FANCI: variants seen among roughly 807,000 people sequenced by gnomAD.
The protein encoded by FANCI is Fanconi anemia group I protein.
A neutral mutation model predicts 176.1 loss-of-function variants in FANCI; 156 were observed. That is an observed-to-expected ratio of 0.89 (90% CI 0.78 to 1.01). The LOEUF (loss-of-function observed/expected upper bound fraction) is 1.01. Among genes scored for constraint, FANCI ranks in the 50% least tolerant of loss-of-function variants. FANCI has a pLI of 0.00. For missense variants in FANCI, 1,678 were observed against 1,534.1 expected, an observed-to-expected ratio of 1.09 and a Z score of -1.57; for synonymous variants, 613 against 541.7, an observed-to-expected ratio of 1.13 and a Z score of -1.83.
Position 89,249,545 on chromosome 15 carries a change from G to A in FANCI, c.84+1814G>A, listed in dbSNP as rs555092227. On this transcript the variant is annotated intron_variant, in intron 2 of 37. Transcript: ENST00000310775. Reference sequence around the variant, plus strand: ...GTATTTTTAGCAGAGATGGGGTTTCGCCATGCTTTCCAGGCTGGTCTTGAA... The same window carrying A: ...GTATTTTTAGCAGAGATGGGGTTTCACCATGCTTTCCAGGCTGGTCTTGAA... 1.7e-3 allele frequency among the ~76,000 whole-genome samples: 264 copies of A among 152,102 alleles called. 2 individuals carry two copies. Among genetic ancestry groups the A allele is most frequent in the Non-Finnish European group, 2.5e-3 (168 of 67,986 alleles).
chr15:89,294,806 G>C, intron 23 of FANCI, 109 bp from the exon 24 acceptor site: 1 of 1,168,552 alleles, frequency 8.6e-7, no homozygotes. Flanking sequence ...TTACTGGCAA[G>C]CTCTGTTGGG....
At chr15:89,307,380 A>G in intron 32 of FANCI, 96 bp from the exon 33 acceptor site, 2 of 1,230,456 alleles carry the variant, frequency 1.6e-6, no homozygotes, top group Non-Finnish European at 2.3e-6. Context: ...TTTCCTCTTC[A>G]GTCAGAATGA....
chr15:89,308,186 ATT>A, intron 34 of FANCI: 1 of 1,033,024 alleles, frequency 9.7e-7, no homozygotes, highest in Non-Finnish European at 1.2e-6. Flanking sequence ...CCTCACCACT[ATT>A]GACATGTTGC....
intron 26 of FANCI, 49 bp from the exon 27 acceptor site, chr15:89,301,277 A>G: frequency 8.2e-7 from 1 of 1,218,692 alleles, no homozygotes; most frequent in Non-Finnish European, 1.2e-6. Context: ...TCTTCCTGAT[A>G]GGAACGTGTC....
At chr15:89,299,668 G>C (rs1294927732) in intron 24 of FANCI, 132 bp from the exon 25 acceptor site, 1 of 811,484 alleles carries the variant, frequency 1.2e-6, no homozygotes, top group Non-Finnish European at 2.0e-6. Context: ...CTTGATTGTG[G>C]GGAGATTACA....
intron 10 of FANCI, among the ~76,000 whole-genome samples, chr15:89,269,350 A>G (rs1336730723): frequency 6.6e-6 from 1 of 152,138 alleles, no homozygotes; most frequent in Non-Finnish European, 1.5e-5. Context: ...TATTTAATTT[A>G]TATTCCCTAT....
intron 24 of FANCI, among the ~76,000 whole-genome samples, chr15:89,295,838 A>G (rs764052005): frequency 2.0e-5 from 3 of 148,690 alleles, no homozygotes; most frequent in African/African-American, 2.5e-5. Context: ...CCGTGGTGCA[A>G]TCTCGGCTCA....
intron 9 of FANCI, among the ~76,000 whole-genome samples, chr15:89,266,578 C>A (rs1345976597): frequency 1.3e-5 from 2 of 151,956 alleles, no homozygotes; most frequent in African/African-American, 4.8e-5. Flanking sequence ...ATCCGCCTAC[C>A]TTGGCCTCCC....
At chr15:89,276,210 C>T (rs920890172) in intron 12 of FANCI, among the ~76,000 whole-genome samples, 7 of 152,174 alleles carry the variant, frequency 4.6e-5, no homozygotes, top group African/African-American at 1.7e-4. Context: ...TTAGCTTATG[C>T]TGTTGATACC....
intron 34 of FANCI, among the ~76,000 whole-genome samples, chr15:89,308,778 CTACAAAAAA>C (rs748796741): frequency 6.6e-5 from 10 of 151,996 alleles, no homozygotes; most frequent in Non-Finnish European, 1.5e-4. Context: ...AACCCCATCT[CTACAAAAAA>C]TACAAAAAAT....
intron 35 of FANCI, among the ~76,000 whole-genome samples, chr15:89,313,261 GAAA>G (rs35546665): frequency 2.6e-5 from 4 of 151,542 alleles, no homozygotes; most frequent in Non-Finnish European, 4.4e-5. Flanking sequence ...TGCAAATACT[GAAA>G]AAAAAGTACA....
In FANCI at chr15:89,307,182, G is replaced by T. The variant is rs193134740; in HGVS notation, c.3538-294G>T. The stretch of plus-strand genomic sequence containing the variant: ...ATACTGAGAGCCTCTTCTCTTTATT[G>T]GCATCTTTAAAAGGAAAAACAGCAA... On this transcript the variant is annotated intron_variant, in intron 32 of 37. Transcript: ENST00000310775. Among the ~76,000 whole-genome samples, 315 of 152,248 alleles carry T rather than the reference G, an allele frequency of 2.1e-3. 2 individuals carry two copies. The highest frequency in any genetic ancestry group is 7.2e-3 in the African/African-American group (301 of 41,540).
At chr15:89,250,141 T>G (rs990763802) in intron 2 of FANCI, among the ~76,000 whole-genome samples, 2 of 152,206 alleles carry the variant, frequency 1.3e-5, no homozygotes, top group Non-Finnish European at 2.9e-5. Context: ...TGTGGCGATT[T>G]CTCAGGGATC....
At chr15:89,265,061 C>G (rs1292503865) in intron 9 of FANCI, among the ~76,000 whole-genome samples, 3 of 152,192 alleles carry the variant, frequency 2.0e-5, no homozygotes, top group Admixed American at 6.5e-5. Context: ...CAGGGAAAAC[C>G]TCTCTCAGAT....
At position 89,268,407 on chromosome 15, in the gene FANCI, ATGT is replaced by A. The variant is rs1322941307; in HGVS notation, c.768_770del (p.Val257del). 1.2e-6 allele frequency: 2 copies of A among 1,614,116 alleles called. No individual in the cohort carries two copies. Among genetic ancestry groups the A allele is most frequent in the Admixed American group, 3.3e-5 (2 of 60,018 alleles). Reference sequence around the variant, plus strand: ...TCTGTTGAATCTTTTAGGCTATTGGATGTTGTCACTGTGCCATCAGGTGAACTT... The same window carrying A: ...TCTGTTGAATCTTTTAGGCTATTGGATGTCACTGTGCCATCAGGTGAACTT... On this transcript the variant is annotated inframe_deletion, in exon 10 of 38. Transcript: ENST00000310775.
chr15:89,297,542 C>T (rs902944873), intron 24 of FANCI, among the ~76,000 whole-genome samples: 21 of 152,212 alleles, frequency 1.4e-4, no homozygotes, highest in Non-Finnish European at 2.5e-4. Flanking sequence ...GCGGATCACT[C>T]GTGGTTAGGA....
intron 24 of FANCI, among the ~76,000 whole-genome samples, chr15:89,297,565 C>G (rs1401684874): frequency 6.6e-6 from 1 of 152,170 alleles, no homozygotes; most frequent in Non-Finnish European, 1.5e-5. Flanking sequence ...TGGAGACCAA[C>G]CCGGCCAACA....
intron 20 of FANCI, 70 bp from the exon 21 acceptor site, chr15:89,292,617 TG>T: frequency 6.9e-7 from 1 of 1,446,890 alleles, no homozygotes; most frequent in Non-Finnish European, 9.6e-7. Flanking sequence ...AATTATTTGC[TG>T]GTTATGAACA....
chr15:89,312,978 C>A lies in FANCI; in HGVS notation c.3720+6C>A, dbSNP rs768064440. ...CTGCCGTTGCCACAGCCATGGTAAG[C>A]TGCTGACACTGACCGTTAAAATATG... On this transcript the variant is annotated splice_donor_region_variant and intron_variant, in intron 35 of 37. Coordinates refer to ENST00000310775, the MANE Select transcript of FANCI (RefSeq NM_001113378.2). 1.2e-6 allele frequency: 2 copies of A among 1,613,556 alleles called. No individual in the cohort carries two copies. The highest frequency in any genetic ancestry group is 2.2e-5 in the South Asian group (2 of 91,062).
Sources: gnomAD v4.1 joint callset for allele counts (sites outside exome capture counted in the v4.1 genomes callset) on GRCh38, gnomAD v4.1.1 for gene constraint, MANE v1.5 for transcripts, NCBI Gene and HGNC (gene_info 2026-07-23, HGNC 2026-07-21) for gene names.